Variants in SLC22A23 observed in about 807,000 individuals in gnomAD.
The protein encoded by SLC22A23 is solute carrier family 22 member 23.
A neutral mutation model predicts 61.0 loss-of-function variants in SLC22A23; 26 were observed. The observed-to-expected ratio is 0.43, with a 90% CI of 0.31 to 0.59. The LOEUF (loss-of-function observed/expected upper bound fraction) is 0.59, where lower values mean the gene tolerates loss of function less well. SLC22A23 is among the 20% of genes least tolerant of loss of function. The pLI, the probability that SLC22A23 is intolerant of heterozygous loss-of-function variation, is 0.11. For synonymous variants in SLC22A23, 430 were observed against 413.9 expected (o/e 1.04, Z -0.47); for missense variants, 796 against 934.7 (o/e 0.85, Z 1.94).
intron 5 of SLC22A23, 52 bp from the exon 6 acceptor site, chr6:3,289,918 G>T: frequency 6.8e-7 from 1 of 1,474,810 alleles, no homozygotes. Context: ...ACAGAGGACA[G>T]GACAGCAGCT....
rs956276835 is a variant in SLC22A23, at chr6:3,318,658, G to A, written c.1082+5176C>T. Among the ~76,000 whole-genome samples, 4 of 152,088 alleles carry A rather than the reference G, an allele frequency of 2.6e-5. No homozygotes were observed. The highest frequency in any genetic ancestry group is 7.2e-5 in the African/African-American group (3 of 41,388). ...AATAAATGATCTTTCAATGGCAATT[G>A]TCTCCTGGCCTGCTGACCTCACTAT... On this transcript the variant is annotated intron_variant, in intron 4 of 9. Coordinates refer to ENST00000406686, the MANE Select transcript of SLC22A23 (RefSeq NM_015482.2). The surrounding 1 kb of genome is among the most constrained non-coding windows in gnomAD (Gnocchi z 4.3).
At chr6:3,397,417 A>G (rs1254799379) in intron 3 of SLC22A23, among the ~76,000 whole-genome samples, 1 of 152,202 alleles carries the variant, frequency 6.6e-6, no homozygotes. Flanking sequence ...GGGAAGACGC[A>G]GTGTACAAGC....
At position 3,289,764 on chromosome 6, in the gene SLC22A23, G is replaced by A; in HGVS notation, c.1313C>T (p.Ser438Leu). The A allele has an allele frequency of 6.2e-7, 1 of 1,612,634 alleles. No individual in the cohort carries two copies. Among genetic ancestry groups the A allele is most frequent in the Non-Finnish European group, 8.5e-7 (1 of 1,178,896 alleles). ...WKNIVVLCVN[S>L]LTGYGIHHCF... is the part of the protein sequence containing the mutation. ...CTGGCACTTGTCCTCTGTGACTCAC[G>A]AGTTCACACACAGGACCACAATGTT... is the stretch of plus-strand genomic sequence containing the variant. Residue 438 changes from serine to leucine, a missense_variant and splice_region_variant, in exon 6 of 10, where the codon TCG (serine) becomes TTG (leucine). By Grantham distance (145) the Ser-to-Leu change is moderately radical. Coordinates refer to ENST00000406686, the MANE Select transcript of SLC22A23 (RefSeq NM_015482.2).
At chr6:3,447,583 CT>C (rs757788904) in intron 1 of SLC22A23, among the ~76,000 whole-genome samples, 194 of 113,360 alleles carry the variant, frequency 1.7e-3, no homozygotes, top group African/African-American at 4.2e-3. Context: ...AAGAAACTTT[CT>C]TTTTTTTTTT....
intron 1 of SLC22A23, among the ~76,000 whole-genome samples, chr6:3,449,109 T>G (rs989239283): frequency 2.0e-5 from 3 of 152,246 alleles, no homozygotes; most frequent in Non-Finnish European, 4.4e-5. Flanking sequence ...AACGTCTGCA[T>G]GAAATGCTGG....
chr6:3,400,175 G>A (rs1263320702), intron 3 of SLC22A23, among the ~76,000 whole-genome samples: 8 of 152,288 alleles, frequency 5.3e-5, no homozygotes, highest in Middle Eastern at 3.4e-3. Context: ...ACCGCGCCCC[G>A]CCCATGATTG....
Position 3,329,091 on chromosome 6 carries a change from A to G in SLC22A23, c.914-5089T>C, listed in dbSNP as rs554891398. Among the ~76,000 whole-genome samples the G allele has an allele frequency of 2.7e-3, 404 of 152,298 alleles. 2 individuals are homozygous for G. Among genetic ancestry groups the G allele is most frequent in the Non-Finnish European group, 4.4e-3 (296 of 68,018 alleles). ...GTGCTACTGAGCAGGGCTTGGCCCC[A>G]GCTCCAGCGGCTAAGGCATCTGCCC... On this transcript the variant is annotated intron_variant, in intron 3 of 9. Coordinates refer to ENST00000406686, the MANE Select transcript of SLC22A23 (RefSeq NM_015482.2). The surrounding 1 kb of genome is among the most constrained non-coding windows in gnomAD (Gnocchi z 4.8).
chr6:3,378,734 T>C (rs1766762372), intron 3 of SLC22A23, among the ~76,000 whole-genome samples: 1 of 145,726 alleles, frequency 6.9e-6, no homozygotes, highest in Non-Finnish European at 1.5e-5. Context: ...CTCGGCTCAC[T>C]GCAACCTCCG....
At chr6:3,307,556 A>C (rs1269940766) in intron 4 of SLC22A23, among the ~76,000 whole-genome samples, 2 of 152,228 alleles carry the variant, frequency 1.3e-5, no homozygotes, top group Non-Finnish European at 2.9e-5. Flanking sequence ...CCACTGCAGG[A>C]TAGTCATATG....
Position 3,333,530 on chromosome 6 carries a change from C to T in SLC22A23, c.914-9528G>A, listed in dbSNP as rs554865892. ...TGCTCCTCTAACCCAGCAAGCACAC[C>T]CCCCTTCTGGGCTGTGCACTCCCCG... On this transcript the variant is annotated intron_variant, in intron 3 of 9. Transcript: ENST00000406686. The surrounding 1 kb of genome is among the most constrained non-coding windows in gnomAD (Gnocchi z 4.1). Among the ~76,000 whole-genome samples, 1 of 152,304 alleles carries T rather than the reference C, an allele frequency of 6.6e-6. No individual in the cohort carries two copies. The highest frequency in any genetic ancestry group is 2.1e-4 in the South Asian group (1 of 4,826).
At chr6:3,364,178 G>A (rs903927151) in intron 3 of SLC22A23, among the ~76,000 whole-genome samples, 2 of 152,312 alleles carry the variant, frequency 1.3e-5, no homozygotes, top group East Asian at 3.9e-4. Context: ...TGTATTGCTT[G>A]GAAATGAACA....
intron 3 of SLC22A23, among the ~76,000 whole-genome samples, chr6:3,340,561 T>C (rs1398876600): frequency 6.6e-6 from 1 of 152,192 alleles, no homozygotes; most frequent in Non-Finnish European, 1.5e-5. Flanking sequence ...ACTTGGAAAG[T>C]GACTCGATTT....
chr6:3,270,111 AC>A lies in SLC22A23; in HGVS notation c.*2943del, dbSNP rs1758382588. The A allele has an allele frequency of 6.6e-6, 1 of 152,428 alleles. No homozygotes were observed. The highest frequency in any genetic ancestry group is 1.5e-5 in the Non-Finnish European group (1 of 68,052). The allele number at this position is 152,428 out of a possible 1,614,324, so 9.4% of individuals were successfully genotyped here. A position where few individuals can be genotyped will look rare whatever the true frequency, so the allele number is the denominator to read the frequency against. On this transcript the variant is annotated 3_prime_UTR_variant, in exon 10 of 10. Coordinates refer to ENST00000406686, the MANE Select transcript of SLC22A23 (RefSeq NM_015482.2). ...ATGTTCAGCTCCATCTCAGGTGTTC[AC>A]ATTTGTGCATAACTTTTATTGAAAG...
intron 3 of SLC22A23, among the ~76,000 whole-genome samples, chr6:3,345,008 T>C (rs1403682916): frequency 6.6e-6 from 1 of 152,248 alleles, no homozygotes; most frequent in African/African-American, 2.4e-5. Flanking sequence ...AAAGTGGCCA[T>C]TTGTTGTCCA....
intron 1 of SLC22A23, among the ~76,000 whole-genome samples, chr6:3,448,638 C>G (rs550078122): frequency 6.6e-6 from 1 of 152,154 alleles, no homozygotes; most frequent in South Asian, 2.1e-4. Flanking sequence ...GGACTACAGG[C>G]GCCCGCCACC....
At chr6:3,368,034 A>C (rs563651746) in intron 3 of SLC22A23, among the ~76,000 whole-genome samples, 4 of 152,354 alleles carry the variant, frequency 2.6e-5, no homozygotes, top group African/African-American at 9.6e-5. Flanking sequence ...AGCAAGGTCA[A>C]GGTGACTGAA....
intron 1 of SLC22A23, among the ~76,000 whole-genome samples, chr6:3,424,299 C>T (rs149678391): frequency 4.3e-4 from 66 of 152,322 alleles, no homozygotes; most frequent in African/African-American, 1.5e-3. Flanking sequence ...TCTCCCACTC[C>T]AACTTTTCTG....
chr6:3,299,510 T>A (rs896996933), intron 4 of SLC22A23, among the ~76,000 whole-genome samples: 1 of 152,212 alleles, frequency 6.6e-6, no homozygotes, highest in Non-Finnish European at 1.5e-5. Flanking sequence ...ATCTTTTTCT[T>A]TTTTTAAAAG....
rs1372604084 is a variant in SLC22A23 at position 3,406,546 on chromosome 6, GTGCGCGCA to G, written c.913+3634_913+3641del. On this transcript the variant is annotated intron_variant, in intron 3 of 9. Transcript: ENST00000406686. ...ACTGCCTGTGTGTGTGTGTGTGTGT[GTGCGCGCA>G]TGTGTGTGTGTGCGTATGTGTGTCC... 1.5e-4 allele frequency among the ~76,000 whole-genome samples: 7 copies of G among 46,736 alleles called. No homozygotes were observed. The South Asian group carries it at 4.3e-3, about 29-fold the overall frequency. The allele number at this position is 46,736 out of a possible 152,430, so 30.7% of individuals were successfully genotyped here.
Sources: gnomAD v4.1 joint callset for allele counts (sites outside exome capture counted in the v4.1 genomes callset) on GRCh38, gnomAD v4.1.1 for gene constraint, Gnocchi (gnomAD v3.1) non-coding constraint, MANE v1.5 for transcripts, NCBI Gene and HGNC (gene_info 2026-07-23, HGNC 2026-07-21) for gene names.